ADAMTS14: variants seen among roughly 807,000 people sequenced by gnomAD.
ADAMTS14 encodes the protein A disintegrin and metalloproteinase with thrombospondin motifs 14.
Under a neutral mutation model 128.6 loss-of-function variants are expected in ADAMTS14, and 100 were observed. The observed-to-expected ratio is 0.78, with a 90% CI of 0.66 to 0.92. ADAMTS14 has a LOEUF of 0.92. ADAMTS14 is among the 40% of genes least tolerant of loss of function. The pLI, the probability that ADAMTS14 is intolerant of heterozygous loss-of-function variation, is 0.00. For missense variants in ADAMTS14, 1,562 were observed against 1,658.6 expected (o/e 0.94, Z 1.01); for synonymous variants, 665 against 653.8 (o/e 1.02, Z -0.26).
chr10:70,727,289 G>C (rs1447116246), intron 4 of ADAMTS14, among the ~76,000 whole-genome samples: 1 of 152,236 alleles, frequency 6.6e-6, no homozygotes, highest in Non-Finnish European at 1.5e-5. Flanking sequence ...CTTGCCATGG[G>C]ACTGTCACGC....
intron 6 of ADAMTS14, among the ~76,000 whole-genome samples, chr10:70,731,072 A>G (rs954266235): frequency 6.8e-6 from 1 of 147,028 alleles, no homozygotes; most frequent in African/African-American, 2.4e-5. Context: ...CACCACACAC[A>G]CACACACACA....
chr10:70,736,879 C>A, intron 10 of ADAMTS14, 86 bp downstream of exon 10: 1 of 1,227,988 alleles, frequency 8.1e-7, no homozygotes, highest in Non-Finnish European at 1.2e-6. Flanking sequence ...AGAGTGAACC[C>A]TGACCCCTCC....
intron 21 of ADAMTS14, 36 bp from the exon 22 acceptor site, chr10:70,760,324 G>T (rs778365220): frequency 1.3e-6 from 2 of 1,506,968 alleles, no homozygotes; most frequent in Non-Finnish European, 1.8e-6. Context: ...GCATCCCCAC[G>T]TTGCTTCCAT....
intron 4 of ADAMTS14, among the ~76,000 whole-genome samples, chr10:70,709,632 C>A (rs563705983): frequency 2.0e-5 from 3 of 150,850 alleles, no homozygotes; most frequent in African/African-American, 7.3e-5. Flanking sequence ...TCCCAAGTAG[C>A]TGGGACTACA....
intron 2 of ADAMTS14, among the ~76,000 whole-genome samples, chr10:70,677,711 G>A (rs1839688026): frequency 6.6e-6 from 1 of 152,172 alleles, no homozygotes. Flanking sequence ...CCCTGGGAGT[G>A]GTACTCCCTG....
Position 70,745,276 on chromosome 10 carries a change from G to A in ADAMTS14, c.2233G>A (p.Glu745Lys), listed in dbSNP as rs781424447. 3 of 1,612,662 alleles carry A rather than the reference G, an allele frequency of 1.9e-6. No homozygotes were observed. Among genetic ancestry groups the A allele is most frequent in the Non-Finnish European group, 2.5e-6 (3 of 1,179,986 alleles). Residue 745 changes from glutamate (E) to lysine (K), a missense_variant, in exon 15 of 22, where the codon GAG becomes AAG. Transcript: ENST00000373207. ...AGCAGGTGCCAGGCACATCCAGATT[G>A]AGGCACTGGAGAAGTCCCCCCACCG... is the stretch of plus-strand genomic sequence containing the variant. ...IPAGARHIQIEALEKSPHRIV... is the reference protein window; with the variant it reads ...IPAGARHIQIKALEKSPHRIV...
intron 2 of ADAMTS14, among the ~76,000 whole-genome samples, chr10:70,679,995 G>A (rs1186421563): frequency 1.3e-5 from 2 of 152,154 alleles, no homozygotes; most frequent in Non-Finnish European, 2.9e-5. Context: ...CTTTATGGGA[G>A]GCTGAAAATA....
intron 16 of ADAMTS14, among the ~76,000 whole-genome samples, chr10:70,750,679 A>G (rs1842324450): frequency 6.6e-6 from 1 of 152,190 alleles, no homozygotes; most frequent in South Asian, 2.1e-4. Flanking sequence ...CTCACCTTAT[A>G]TTTGTTGACA....
At chr10:70,735,023 T>G in intron 8 of ADAMTS14, 146 bp from the exon 9 acceptor site, 1 of 1,036,350 alleles carries the variant, frequency 9.6e-7, no homozygotes, top group Non-Finnish European at 1.3e-6. Flanking sequence ...AGGCAGCCCG[T>G]CCTCCCTGGA....
At chr10:70,757,084 C>T (rs948603148) in intron 19 of ADAMTS14, among the ~76,000 whole-genome samples, 2 of 152,126 alleles carry the variant, frequency 1.3e-5, no homozygotes, top group Non-Finnish European at 2.9e-5. Context: ...TCCTCTCCTT[C>T]CAGCTAGATA....
rs748229335 is a variant in ADAMTS14 at position 70,741,008 on chromosome 10, G to A, written c.1770G>A (p.Leu590=). Residue 590 remains leucine (L), a synonymous_variant, in exon 12 of 22, where the codon CTG becomes CTA. Transcript: ENST00000373207. ...CCAGCCCAGCCTATGGAGGCCGCCT[G>A]TGCTTAGGGCCCATGTTCGAGTACC... The part of the protein sequence containing the change: ...NNPSPAYGGR[L]CLGPMFEYQV... 2.0e-5 allele frequency: 33 copies of A among 1,613,992 alleles called. No individual in the cohort carries two copies. The South Asian group carries it at 2.3e-4, about 11-fold the overall frequency.
At chr10:70,732,392 C>T (rs1841672763) in intron 7 of ADAMTS14, 33 bp downstream of exon 7, 1 of 1,565,638 alleles carries the variant, frequency 6.4e-7, no homozygotes, top group Non-Finnish European at 8.8e-7. Flanking sequence ...GTGGGACTGG[C>T]AGCTGTGCCG....
At chr10:70,728,978 G>A (rs982346672) in intron 4 of ADAMTS14, among the ~76,000 whole-genome samples, 3 of 152,216 alleles carry the variant, frequency 2.0e-5, no homozygotes, top group African/African-American at 7.2e-5. Context: ...CTCCAGACGT[G>A]GAAAGATGAG....
chr10:70,695,356 G>A (rs953316750), intron 2 of ADAMTS14, among the ~76,000 whole-genome samples: 7 of 152,228 alleles, frequency 4.6e-5, no homozygotes, highest in Admixed American at 4.6e-4. Flanking sequence ...AAGACTTAAG[G>A]ACATGTTAAG....
chr10:70,674,770 C>G lies in ADAMTS14; in HGVS notation c.297C>G (p.Gly99=). The G allele has an allele frequency of 6.2e-7, 1 of 1,613,426 alleles. No individual in the cohort carries two copies. The highest frequency in any genetic ancestry group is 8.5e-7 in the Non-Finnish European group (1 of 1,179,930). ...PLHPGGTLWP[G]RVGRHSLYFN... ...ACCCAGGAGGGACCCTGTGGCCTGGCAGGGTGGGGCGCCACTCCCTCTACT... is the reference window on the plus strand; with the variant it reads ...ACCCAGGAGGGACCCTGTGGCCTGGGAGGGTGGGGCGCCACTCCCTCTACT... The change falls in exon 2 of 22, where the codon GGC becomes GGG. Residue 99 remains glycine, a synonymous_variant. Transcript: ENST00000373207.
intron 13 of ADAMTS14, 135 bp downstream of exon 13, chr10:70,743,816 C>A: frequency 7.5e-7 from 1 of 1,333,282 alleles, no homozygotes; most frequent in Non-Finnish European, 1.0e-6. Flanking sequence ...CAGCATAGCC[C>A]TGGGGTGCTG....
intron 2 of ADAMTS14, among the ~76,000 whole-genome samples, chr10:70,683,397 G>A (rs1564518304): frequency 6.6e-6 from 1 of 152,210 alleles, no homozygotes; most frequent in Admixed American, 6.5e-5. Context: ...GGAAAGAAAG[G>A]GGGCTTCTCC....
chr10:70,729,167 G>A (rs558916633), intron 4 of ADAMTS14, 127 bp from the exon 5 acceptor site: 1 of 774,652 alleles, frequency 1.3e-6, no homozygotes, highest in East Asian at 2.6e-5. Flanking sequence ...CTGTAAAGTA[G>A]GATAAGTATC....
intron 2 of ADAMTS14, among the ~76,000 whole-genome samples, chr10:70,680,418 T>TA (rs1008149004): frequency 6.6e-6 from 1 of 151,500 alleles, no homozygotes; most frequent in East Asian, 1.9e-4. Context: ...AATAAATAAA[T>TA]AAAAAAAATA....
Sources: gnomAD v4.1 joint callset for allele counts (sites outside exome capture counted in the v4.1 genomes callset) on GRCh38, gnomAD v4.1.1 for gene constraint, MANE v1.5 for transcripts, NCBI Gene and HGNC (gene_info 2026-07-23, HGNC 2026-07-21) for gene names.